The following RBFOX1 variants were observed in gnomAD, a reference collection of about 807,000 sequenced individuals.
The protein encoded by RBFOX1 is RNA binding protein fox-1 homolog 1.
Under a neutral mutation model 57.7 loss-of-function variants are expected in RBFOX1, and 8 were observed. The observed-to-expected ratio is 0.14, with a 90% CI of 0.08 to 0.25. The LOEUF is 0.25. Among genes scored for constraint, RBFOX1 ranks in the 10% least tolerant of loss-of-function variants. The pLI is 1.00. For missense variants in RBFOX1, 611 were observed against 548.5 expected, an observed-to-expected ratio of 1.11 and a Z score of -1.14; for synonymous variants, 326 against 222.4, an observed-to-expected ratio of 1.47 and a Z score of -4.15.
At chr16:5,373,865 A>C (rs1422454522) in intron 1 of RBFOX1, among the ~76,000 whole-genome samples, 1 of 151,990 alleles carries the variant, frequency 6.6e-6, no homozygotes, top group Non-Finnish European at 1.5e-5. Flanking sequence ...TGGCCTCCCA[A>C]AGTGTTGGGA....
At chr16:5,860,812 G>T (rs138340308) in intron 3 of RBFOX1, among the ~76,000 whole-genome samples, 1 of 152,248 alleles carries the variant, frequency 6.6e-6, no homozygotes, top group East Asian at 1.9e-4. Context: ...GGCTCCTCTT[G>T]TAGATACTGG....
At chr16:5,954,590 A>G (rs2059586586) in intron 4 of RBFOX1, among the ~76,000 whole-genome samples, 5 of 152,230 alleles carry the variant, frequency 3.3e-5, no homozygotes, top group African/African-American at 1.2e-4. Flanking sequence ...CAGAAAGGGC[A>G]TTGTTTTGTG....
At chr16:6,708,724 C>T (rs893382360) in intron 3 of RBFOX1, among the ~76,000 whole-genome samples, 2 of 152,166 alleles carry the variant, frequency 1.3e-5, no homozygotes, top group Non-Finnish European at 2.9e-5. Context: ...CCCTTCTTGC[C>T]CTAGCCCATT....
chr16:5,910,589 G>A (rs1247887731), intron 4 of RBFOX1, among the ~76,000 whole-genome samples: 1 of 152,192 alleles, frequency 6.6e-6, no homozygotes, highest in Non-Finnish European at 1.5e-5. Context: ...TGAGCTGGGT[G>A]CAGGGCTAGC....
intron 3 of RBFOX1, among the ~76,000 whole-genome samples, chr16:6,909,935 C>T (rs1338664693): frequency 6.6e-6 from 1 of 151,972 alleles, no homozygotes; most frequent in Non-Finnish European, 1.5e-5. Flanking sequence ...TTTTGCTTAG[C>T]AAACTTCATG....
intron 3 of RBFOX1, among the ~76,000 whole-genome samples, chr16:5,765,488 G>A (rs1429371705): frequency 1.3e-5 from 2 of 152,138 alleles, no homozygotes; most frequent in African/African-American, 2.4e-5. Context: ...ACCATGAGAG[G>A]CGTAAAGACA....
chr16:6,331,031 A>C (rs2082956678), intron 2 of RBFOX1, among the ~76,000 whole-genome samples: 1 of 152,358 alleles, frequency 6.6e-6, no homozygotes, highest in South Asian at 2.1e-4. Flanking sequence ...TGCCTTGGGC[A>C]GCTCTTAAGG....
At chr16:6,918,363 T>C (rs2073723029) in intron 3 of RBFOX1, among the ~76,000 whole-genome samples, 1 of 152,016 alleles carries the variant, frequency 6.6e-6, no homozygotes, top group Non-Finnish European at 1.5e-5. Context: ...GGTGCCATTG[T>C]TTATGAATTT....
chr16:6,798,676 C>A (rs886794723), intron 3 of RBFOX1, among the ~76,000 whole-genome samples: 11 of 152,254 alleles, frequency 7.2e-5, no homozygotes, highest in African/African-American at 2.6e-4. Context: ...TAATTTTGTG[C>A]TTTTCACTAA....
At chr16:6,874,826 A>T (rs962734095) in intron 3 of RBFOX1, among the ~76,000 whole-genome samples, 59 of 152,172 alleles carry the variant, frequency 3.9e-4, no homozygotes, top group African/African-American at 1.3e-3. Flanking sequence ...TGATTGGGTG[A>T]TGGGTGCATC....
At chr16:6,951,594 A>T (rs1425574293) in intron 3 of RBFOX1, among the ~76,000 whole-genome samples, 1 of 152,026 alleles carries the variant, frequency 6.6e-6, no homozygotes, top group Admixed American at 6.6e-5. Context: ...CCTTGTTCTC[A>T]TCTCTCCATG....
intron 2 of RBFOX1, among the ~76,000 whole-genome samples, chr16:6,574,665 T>C (rs1010038042): frequency 4.2e-5 from 6 of 142,122 alleles, no homozygotes. Context: ...CCTGACCTCG[T>C]GATCCGCCCG....
intron 3 of RBFOX1, among the ~76,000 whole-genome samples, chr16:5,862,903 TCAGGGAGAA>T (rs908445548): frequency 5.9e-5 from 9 of 152,152 alleles, no homozygotes; most frequent in African/African-American, 1.9e-4. Context: ...CAGAAGGGGT[TCAGGGAGAA>T]CAGGTGGCTG....
At chr16:6,888,620 A>T (rs904491313) in intron 3 of RBFOX1, among the ~76,000 whole-genome samples, 1 of 152,126 alleles carries the variant, frequency 6.6e-6, no homozygotes, top group African/African-American at 2.4e-5. Context: ...CTTTTGGTTC[A>T]TCAGGCTGTT....
At chr16:7,616,217 A>C (rs1228529958) in intron 10 of RBFOX1, among the ~76,000 whole-genome samples, 1 of 152,260 alleles carries the variant, frequency 6.6e-6, no homozygotes, top group East Asian at 1.9e-4. Flanking sequence ...CAGATGAAAA[A>C]TTAGCAAAGA....
At chr16:7,383,923 A>G (rs917653421) in intron 4 of RBFOX1, among the ~76,000 whole-genome samples, 2 of 152,028 alleles carry the variant, frequency 1.3e-5, no homozygotes, top group African/African-American at 4.8e-5. Flanking sequence ...GCATGGTGGC[A>G]TGTGCCTGTA....
intron 2 of RBFOX1, among the ~76,000 whole-genome samples, chr16:6,485,368 C>T (rs962599726): frequency 1.3e-5 from 2 of 152,094 alleles, no homozygotes; most frequent in African/African-American, 4.8e-5. Context: ...TCTTCTCTCT[C>T]TTGGTCTCCC....
rs550067863 is a variant in RBFOX1, at chr16:5,953,343, T to TAGGTTATTTGGGGAC, written c.351+86028_351+86042dup. Among the ~76,000 whole-genome samples, 27 of 152,312 alleles carry TAGGTTATTTGGGGAC rather than the reference T, an allele frequency of 1.8e-4. 1 individual carries two copies. The East Asian group carries it at 4.2e-3, about 24-fold the overall frequency. ...CATACTTTTAAAAAAATTATTTCCA[T>TAGGTTATTTGGGGAC]AGGTTATTTGGGGACAGGTTATTTG... On this transcript the variant is annotated intron_variant, in intron 4 of 19. Transcript: ENST00000641259.
intron 3 of RBFOX1, among the ~76,000 whole-genome samples, chr16:5,686,186 T>C (rs1212567453): frequency 6.6e-6 from 1 of 152,142 alleles, no homozygotes. Context: ...AATGTAGAAA[T>C]GTATCAAGAG....
Sources: allele counts gnomAD v4.1 joint callset (sites outside exome capture counted in the v4.1 genomes callset), GRCh38; gene constraint gnomAD v4.1.1; transcripts MANE v1.5; gene names NCBI Gene and HGNC (gene_info 2026-07-23, HGNC 2026-07-21).